MRTFA: variants seen among roughly 807,000 people sequenced by gnomAD.
MRTFA encodes myocardin related transcription factor A, also known as myocardin-related transcription factor A.
MRTFA carries 20 observed loss-of-function variants against 83.5 expected under a neutral mutation model. The ratio of observed to expected loss-of-function variants is 0.24; its 90% CI spans 0.17 to 0.35. The LOEUF (loss-of-function observed/expected upper bound fraction) is 0.35. Ranked by LOEUF, MRTFA falls within the 10% of genes least tolerant of loss-of-function variation. The probability of loss-of-function intolerance (pLI) is 1.00; values close to 1 mark genes in which losing one functional copy is unlikely to be tolerated. For missense variants in MRTFA, 1,200 were observed against 1,224.7 expected (o/e 0.98, Z 0.30); for synonymous variants, 659 against 541.2 (o/e 1.22, Z -3.02).
chr22:40,435,143 A>T (rs1382730439), intron 5 of MRTFA, among the ~76,000 whole-genome samples: 2 of 152,236 alleles, frequency 1.3e-5, no homozygotes, highest in Non-Finnish European at 1.5e-5. Context: ...TTGTGTCCCA[A>T]CATCTACAAA....
Position 40,416,944 on chromosome 22 carries a change from C to G in MRTFA, c.2578+42G>C. ...ACCCAGGGCTAGAGACACCTATGAACAGAGAAGGCCGTCAGGGAGGCAGCA... is the reference window on the plus strand; with the variant it reads ...ACCCAGGGCTAGAGACACCTATGAAGAGAGAAGGCCGTCAGGGAGGCAGCA... On this transcript the variant is annotated intron_variant, in intron 14 of 14. Coordinates refer to ENST00000355630, the MANE Select transcript of MRTFA (RefSeq NM_020831.6). The surrounding 1 kb of genome is among the most constrained non-coding windows in gnomAD (Gnocchi z 4.2). 3 of 1,556,166 alleles carry G rather than the reference C, an allele frequency of 1.9e-6. No homozygotes were observed. The highest frequency in any genetic ancestry group is 2.4e-5 in the South Asian group (2 of 84,724).
At chr22:40,520,116 C>T (rs999177659) in intron 3 of MRTFA, among the ~76,000 whole-genome samples, 14 of 152,138 alleles carry the variant, frequency 9.2e-5, no homozygotes, top group Admixed American at 1.3e-4. Flanking sequence ...CCACTTCCAG[C>T]CCCAGGCAAT....
At position 40,593,820 on chromosome 22, in the gene MRTFA, G is replaced by A. The variant is rs931343602; in HGVS notation, c.-22+854C>T. On this transcript the variant is annotated intron_variant, in intron 2 of 14. Transcript: ENST00000355630. The stretch of plus-strand genomic sequence containing the variant: ...TAGAACCCCACACACAAGTTTACAG[G>A]ATTCCTGGTTGGGGAGTTCCGTTTT... Among the ~76,000 whole-genome samples the A allele has an allele frequency of 2.0e-5, 3 of 152,294 alleles. No individual in the cohort carries two copies. In the East Asian group the frequency reaches 5.8e-4, roughly 29 times the overall value.
intron 1 of MRTFA, among the ~76,000 whole-genome samples, chr22:40,608,190 A>C (rs954760325): frequency 3.3e-5 from 5 of 151,998 alleles, no homozygotes; most frequent in African/African-American, 1.2e-4. Context: ...TTTTATTTTT[A>C]GTAGGGACGG....
At chr22:40,457,229 G>T (rs931855858) in intron 4 of MRTFA, among the ~76,000 whole-genome samples, 1 of 151,984 alleles carries the variant, frequency 6.6e-6, no homozygotes, top group South Asian at 2.1e-4. Flanking sequence ...GCTGGGCGTG[G>T]TGGCCGGTCC....
intron 1 of MRTFA, among the ~76,000 whole-genome samples, chr22:40,632,269 C>A (rs1028535540): frequency 9.2e-5 from 14 of 152,154 alleles, no homozygotes; most frequent in African/African-American, 3.4e-4. Context: ...ATGACTGCTA[C>A]CTCAGCTGAC....
intron 9 of MRTFA, among the ~76,000 whole-genome samples, chr22:40,422,209 G>A (rs748822757): frequency 3.3e-5 from 5 of 152,084 alleles, no homozygotes; most frequent in Non-Finnish European, 7.4e-5. Context: ...AAAGGGAGGA[G>A]GAAGGGAGGC....
chr22:40,528,114 C>G (rs1166055431), intron 3 of MRTFA, among the ~76,000 whole-genome samples: 2 of 152,100 alleles, frequency 1.3e-5, no homozygotes, highest in Non-Finnish European at 2.9e-5. Context: ...ATCACCAAGA[C>G]CAGGGAATAC....
intron 1 of MRTFA, among the ~76,000 whole-genome samples, chr22:40,621,310 T>G (rs1040976057): frequency 1.3e-5 from 2 of 152,156 alleles, no homozygotes; most frequent in African/African-American, 4.8e-5. Flanking sequence ...TTCTGATACA[T>G]GCTACAACAT....
chr22:40,615,218 C>A (rs1014688830), intron 1 of MRTFA, among the ~76,000 whole-genome samples: 1 of 152,212 alleles, frequency 6.6e-6, no homozygotes, highest in African/African-American at 2.4e-5. Context: ...CAAATATCCA[C>A]TTGTTCCAGC....
At chr22:40,581,298 T>C (rs895208798) in intron 2 of MRTFA, among the ~76,000 whole-genome samples, 1 of 152,198 alleles carries the variant, frequency 6.6e-6, no homozygotes, top group African/African-American at 2.4e-5. Context: ...TTAAAACACG[T>C]GTACATGTTT....
intron 3 of MRTFA, among the ~76,000 whole-genome samples, chr22:40,474,443 G>C (rs12159800): frequency 1.3e-5 from 2 of 152,166 alleles, no homozygotes; most frequent in African/African-American, 4.8e-5. Context: ...TTCAGGGGAA[G>C]TCATAAAAAC....
At chr22:40,514,268 TTAAA>T (rs543495369) in intron 3 of MRTFA, among the ~76,000 whole-genome samples, 43 of 151,520 alleles carry the variant, frequency 2.8e-4, no homozygotes, top group African/African-American at 1.0e-3. Flanking sequence ...AAATACATAA[TTAAA>T]TAAATAAATA....
chr22:40,531,288 T>C (rs2147276252), intron 3 of MRTFA, among the ~76,000 whole-genome samples: 1 of 142,966 alleles, frequency 7.0e-6, no homozygotes, highest in East Asian at 2.1e-4. Flanking sequence ...TTTTTTTTAA[T>C]TTTTTGTAGA....
chr22:40,437,792 A>ATACT (rs1227319480), intron 4 of MRTFA, among the ~76,000 whole-genome samples: 1 of 151,056 alleles, frequency 6.6e-6, no homozygotes. Context: ...GGAATACTAC[A>ATACT]TACTTTTCTT....
At chr22:40,625,568 A>T (rs1287658690) in intron 1 of MRTFA, among the ~76,000 whole-genome samples, 1 of 152,180 alleles carries the variant, frequency 6.6e-6, no homozygotes, top group Non-Finnish European at 1.5e-5. Context: ...ACTTGAGGTC[A>T]GGAGTTTGAG....
intron 1 of MRTFA, among the ~76,000 whole-genome samples, chr22:40,604,751 A>T (rs2056299736): frequency 6.6e-6 from 1 of 150,916 alleles, no homozygotes; most frequent in Non-Finnish European, 1.5e-5. Flanking sequence ...ATCTCAAAAA[A>T]AGGAAAAAAA....
intron 3 of MRTFA, among the ~76,000 whole-genome samples, chr22:40,529,005 T>C (rs1163825910): frequency 6.6e-6 from 1 of 152,192 alleles, no homozygotes; most frequent in Non-Finnish European, 1.5e-5. Context: ...AAAGTAGGTA[T>C]TGCTAGTGCA....
intron 1 of MRTFA, among the ~76,000 whole-genome samples, chr22:40,602,481 G>A (rs2056271593): frequency 6.6e-6 from 1 of 152,136 alleles, no homozygotes; most frequent in Non-Finnish European, 1.5e-5. Context: ...TAAAGAGAAA[G>A]TAAGGCTGCA....
Sources: allele counts gnomAD v4.1 joint callset (sites outside exome capture counted in the v4.1 genomes callset), GRCh38; gene constraint gnomAD v4.1.1; non-coding constraint Gnocchi (gnomAD v3.1); transcripts MANE v1.5; gene names NCBI Gene and HGNC (gene_info 2026-07-23, HGNC 2026-07-21).